Variants in PRKN observed in about 807,000 individuals in gnomAD.
PRKN encodes the protein E3 ubiquitin-protein ligase parkin.
PRKN carries 56 observed loss-of-function variants against 59.5 expected under a neutral mutation model. The observed-to-expected ratio is 0.94, with a 90% CI of 0.76 to 1.18. The LOEUF is 1.18. Among genes scored for constraint, PRKN ranks in the 50% most tolerant of loss-of-function variants. The probability of loss-of-function intolerance (pLI) is 0.00; values close to 1 mark genes in which losing one functional copy is unlikely to be tolerated. For missense variants in PRKN, 657 were observed against 596.4 expected (o/e 1.10, Z -1.06); for synonymous variants, 250 against 222.1 (o/e 1.13, Z -1.12).
intron 1 of PRKN, among the ~76,000 whole-genome samples, chr6:162,641,685 G>C (rs1489803230): frequency 6.6e-6 from 1 of 152,196 alleles, no homozygotes; most frequent in African/African-American, 2.4e-5. Context: ...TGCAGGTAAA[G>C]AATGATCTTT....
At chr6:161,791,811 T>C (rs1474301035) in intron 6 of PRKN, among the ~76,000 whole-genome samples, 1 of 152,202 alleles carries the variant, frequency 6.6e-6, no homozygotes. Flanking sequence ...TTCAAGATGT[T>C]CTCCAGTGAG....
intron 2 of PRKN, among the ~76,000 whole-genome samples, chr6:162,341,750 C>A (rs550123002): frequency 1.3e-5 from 2 of 151,766 alleles, no homozygotes; most frequent in Non-Finnish European, 2.9e-5. Flanking sequence ...CACACTGGGG[C>A]CTGTCAGGGG....
chr6:161,712,871 T>G (rs1361059809), intron 7 of PRKN, among the ~76,000 whole-genome samples: 2 of 152,088 alleles, frequency 1.3e-5, no homozygotes, highest in African/African-American at 4.8e-5. Context: ...CAGATGGTGG[T>G]GGGGGGGACT....
At chr6:162,623,210 C>G (rs773880417) in intron 1 of PRKN, among the ~76,000 whole-genome samples, 2 of 152,108 alleles carry the variant, frequency 1.3e-5, no homozygotes, top group Non-Finnish European at 2.9e-5. Flanking sequence ...TGAGAGAATA[C>G]ATTTTGAGAA....
At chr6:162,020,607 T>C (rs1391770464) in intron 5 of PRKN, among the ~76,000 whole-genome samples, 1 of 152,136 alleles carries the variant, frequency 6.6e-6, no homozygotes, top group Non-Finnish European at 1.5e-5. Flanking sequence ...TTCAAGCTTA[T>C]CAGCATCTAC....
chr6:161,900,729 G>A (rs1215320047), intron 6 of PRKN, among the ~76,000 whole-genome samples: 10 of 74,168 alleles, frequency 1.3e-4, no homozygotes, highest in African/African-American at 4.8e-4. Flanking sequence ...AATACATTAT[G>A]TATAACATAT....
At chr6:161,868,342 G>A (rs1419972202) in intron 6 of PRKN, among the ~76,000 whole-genome samples, 1 of 151,544 alleles carries the variant, frequency 6.6e-6, no homozygotes, top group African/African-American at 2.4e-5. Context: ...ACTTTGGGAG[G>A]CCGAGGCTGG....
chr6:162,588,257 T>C (rs1364024400), intron 1 of PRKN, among the ~76,000 whole-genome samples: 1 of 151,984 alleles, frequency 6.6e-6, no homozygotes, highest in Non-Finnish European at 1.5e-5. Context: ...GTGATCTGCC[T>C]GCCTCAGCCT....
intron 2 of PRKN, among the ~76,000 whole-genome samples, chr6:162,363,778 C>G (rs1411967349): frequency 6.6e-6 from 1 of 152,154 alleles, no homozygotes; most frequent in Non-Finnish European, 1.5e-5. Context: ...GGGCCTCTCT[C>G]CCTTCTATAC....
chr6:161,923,685 G>C (rs1000955599), intron 6 of PRKN, among the ~76,000 whole-genome samples: 7 of 152,104 alleles, frequency 4.6e-5, no homozygotes, highest in Admixed American at 1.3e-4. Flanking sequence ...TGTAGCGTCT[G>C]AGTTCTTAGA....
chr6:161,872,817 A>G lies in PRKN; in HGVS notation c.735-86909T>C, dbSNP rs140343355. 4.1e-3 allele frequency among the ~76,000 whole-genome samples: 624 copies of G among 152,078 alleles called. 7 individuals carry two copies. Among genetic ancestry groups the G allele is most frequent in the African/African-American group, 0.014 (584 of 41,506 alleles). Reference sequence around the variant, plus strand: ...GCCCAGGCTCTTATATTATATTTCAAAATCCCAGAGGAGAAGGAGACCTGT... The same window carrying G: ...GCCCAGGCTCTTATATTATATTTCAGAATCCCAGAGGAGAAGGAGACCTGT... On this transcript the variant is annotated intron_variant, in intron 6 of 11. Coordinates refer to ENST00000366898, the MANE Select transcript of PRKN (RefSeq NM_004562.3).
rs1784382268 is a variant in PRKN, at chr6:161,347,610, T to TCTG, written c.*2488_*2489insCAG. 7.0e-6 allele frequency: 1 copy of TCTG among 143,650 alleles called. No homozygotes were observed. Among genetic ancestry groups the TCTG allele is most frequent in the African/African-American group, 2.7e-5 (1 of 36,998 alleles). The allele number at this position is 143,650 out of a possible 1,614,324, so 8.9% of individuals were successfully genotyped here. A position where few individuals can be genotyped will look rare whatever the true frequency, so the allele number is the denominator to read the frequency against. ...CATGTGTAGTGGATGATCTTGCTTT[T>TCTG]TTGTTTTTGTTTTTTTTTTTTTTTT... On this transcript the variant is annotated 3_prime_UTR_variant, in exon 12 of 12. Coordinates refer to ENST00000366898, the MANE Select transcript of PRKN (RefSeq NM_004562.3).
intron 1 of PRKN, among the ~76,000 whole-genome samples, chr6:162,504,075 G>C (rs1437933212): frequency 1.3e-5 from 2 of 151,978 alleles, no homozygotes; most frequent in African/African-American, 4.8e-5. Context: ...GACACAGAGA[G>C]AGAGAGAGAG....
At chr6:162,594,917 G>A (rs1781442935) in intron 1 of PRKN, among the ~76,000 whole-genome samples, 1 of 152,196 alleles carries the variant, frequency 6.6e-6, no homozygotes, top group South Asian at 2.1e-4. Context: ...GCTCACGCCT[G>A]TAATCCCAGC....
chr6:162,380,964 G>A (rs908374858), intron 2 of PRKN, among the ~76,000 whole-genome samples: 7 of 152,086 alleles, frequency 4.6e-5, no homozygotes, highest in Non-Finnish European at 8.8e-5. Flanking sequence ...CAGAGTGGCC[G>A]CCGTGGTCCA....
rs184801347 is a variant in PRKN at position 162,358,262 on chromosome 6, T to G, written c.171+85048A>C. Among the ~76,000 whole-genome samples, 6 of 152,296 alleles carry G rather than the reference T, an allele frequency of 3.9e-5. No homozygotes were observed. In the East Asian group the frequency reaches 1.2e-3, roughly 29 times the overall value. Reference sequence around the variant, plus strand: ...ACAAAAGTTAGTTTATGAATTTTAATAAACAGTTTGGAATATTTTTCGAAA... The same window carrying G: ...ACAAAAGTTAGTTTATGAATTTTAAGAAACAGTTTGGAATATTTTTCGAAA... On this transcript the variant is annotated intron_variant, in intron 2 of 11. Coordinates refer to ENST00000366898, the MANE Select transcript of PRKN (RefSeq NM_004562.3).
Position 161,349,654 on chromosome 6 carries a change from G to A in PRKN, c.*445C>T. 3.5e-6 allele frequency: 1 copy of A among 286,292 alleles called. No homozygotes were observed. The highest frequency in any genetic ancestry group is 8.0e-5 in the South Asian group (1 of 12,436). 17.7% of individuals were successfully genotyped at this position (286,292 alleles called of 1,614,324 possible). ...ACACCTTGTCAATGGCATCTTCATG[G>A]TGTTTACTGAAGGTAAAAGGCAGGA... On this transcript the variant is annotated 3_prime_UTR_variant, in exon 12 of 12. Transcript: ENST00000366898. This position sits in a 1 kb window ranked among gnomAD's most constrained non-coding sequence, Gnocchi z 5.5.
intron 1 of PRKN, among the ~76,000 whole-genome samples, chr6:162,627,055 T>G (rs908365409): frequency 1.3e-5 from 2 of 152,166 alleles, no homozygotes; most frequent in Non-Finnish European, 2.9e-5. Flanking sequence ...GTCTCTGTTC[T>G]ACAGAATTCA....
intron 1 of PRKN, among the ~76,000 whole-genome samples, chr6:162,699,449 T>G (rs1394774795): frequency 6.6e-6 from 1 of 152,148 alleles, no homozygotes; most frequent in East Asian, 1.9e-4. Flanking sequence ...TAACATCTGG[T>G]AAGCTGTGAA....
Sources: allele counts gnomAD v4.1 joint callset (sites outside exome capture counted in the v4.1 genomes callset), GRCh38; gene constraint gnomAD v4.1.1; non-coding constraint Gnocchi (gnomAD v3.1); transcripts MANE v1.5; gene names NCBI Gene and HGNC (gene_info 2026-07-23, HGNC 2026-07-21).